The following RELN variants were observed in gnomAD, a reference collection of about 807,000 sequenced individuals.
The protein encoded by RELN is reelin.
Under a neutral mutation model 427.6 loss-of-function variants are expected in RELN, and 108 were observed. The ratio of observed to expected loss-of-function variants is 0.25; its 90% CI spans 0.22 to 0.30. RELN has a LOEUF of 0.30. RELN is among the 10% of genes least tolerant of loss of function. The pLI is 1.00. For missense variants in RELN, 3,715 were observed against 4,302.8 expected (o/e 0.86, Z 3.82); for synonymous variants, 1,524 against 1,513.4 (o/e 1.01, Z -0.16).
chr7:103,854,608 G>C (rs749925882), intron 2 of RELN, among the ~76,000 whole-genome samples: 1 of 152,150 alleles, frequency 6.6e-6, no homozygotes, highest in Non-Finnish European at 1.5e-5. Context: ...GTGACTTTCT[G>C]AGATGAGGGA....
At chr7:103,781,319 T>A (rs1584488219) in intron 3 of RELN, among the ~76,000 whole-genome samples, 1 of 152,134 alleles carries the variant, frequency 6.6e-6, no homozygotes, top group African/African-American at 2.4e-5. Flanking sequence ...TTATTTCAAA[T>A]CTTCTATGGA....
chr7:103,579,266 G>T (rs1253329106), intron 28 of RELN, among the ~76,000 whole-genome samples: 1 of 152,204 alleles, frequency 6.6e-6, no homozygotes, highest in African/African-American at 2.4e-5. Context: ...AGGAAGTAAT[G>T]ATTGAGAGAA....
chr7:103,680,469 G>C (rs1562954132), intron 11 of RELN, among the ~76,000 whole-genome samples: 1 of 151,866 alleles, frequency 6.6e-6, no homozygotes, highest in Non-Finnish European at 1.5e-5. Context: ...CCCCTCATCT[G>C]TGATCAAGCT....
At chr7:103,982,225 G>A (rs1456084672) in intron 1 of RELN, among the ~76,000 whole-genome samples, 5 of 151,832 alleles carry the variant, frequency 3.3e-5, no homozygotes, top group South Asian at 2.1e-4. Context: ...ACTTCATATC[G>A]CTGAATTATA....
chr7:103,539,420 A>G (rs919514995), intron 44 of RELN, 93 bp from the exon 45 acceptor site: 7 of 1,312,936 alleles, frequency 5.3e-6, no homozygotes, highest in African/African-American at 1.5e-5. Flanking sequence ...GTTTGTTTTG[A>G]TCTGTTGGCC....
intron 40 of RELN, among the ~76,000 whole-genome samples, chr7:103,553,011 A>G (rs552373599): frequency 7.3e-4 from 110 of 151,618 alleles, no homozygotes; most frequent in African/African-American, 2.6e-3. Flanking sequence ...AATAAAATAC[A>G]CAAATACATT....
chr7:103,984,686 T>G (rs1303502704), intron 1 of RELN, among the ~76,000 whole-genome samples: 2 of 152,116 alleles, frequency 1.3e-5, no homozygotes, highest in Admixed American at 1.3e-4. Context: ...AAATGCCCAA[T>G]TTTCATAGTC....
intron 64 of RELN, among the ~76,000 whole-genome samples, chr7:103,476,497 A>C (rs1305576211): frequency 3.3e-5 from 5 of 152,112 alleles, no homozygotes; most frequent in Non-Finnish European, 5.9e-5. Flanking sequence ...CAAACAAACA[A>C]ACAAACAAAA....
intron 3 of RELN, among the ~76,000 whole-genome samples, chr7:103,799,030 CTT>C (rs1563020253): frequency 6.6e-6 from 1 of 152,176 alleles, no homozygotes; most frequent in African/African-American, 2.4e-5. Context: ...CCTACCCCCT[CTT>C]TTCTTTTTGC....
intron 15 of RELN, among the ~76,000 whole-genome samples, chr7:103,650,772 C>T (rs1182527228): frequency 6.6e-6 from 1 of 152,030 alleles, no homozygotes; most frequent in Non-Finnish European, 1.5e-5. Context: ...ACTACAGAAG[C>T]ATACTACCAC....
intron 1 of RELN, among the ~76,000 whole-genome samples, chr7:103,980,936 G>C (rs1796981023): frequency 1.3e-5 from 2 of 152,122 alleles, no homozygotes; most frequent in Non-Finnish European, 2.9e-5. Context: ...TGCAGGATGA[G>C]AATACAGGAA....
At chr7:103,531,066 G>T (rs1366580637) in intron 46 of RELN, among the ~76,000 whole-genome samples, 1 of 152,186 alleles carries the variant, frequency 6.6e-6, no homozygotes. Flanking sequence ...TAATAAACCT[G>T]TGTTATGGTT....
intron 2 of RELN, among the ~76,000 whole-genome samples, chr7:103,908,706 C>T (rs1464279116): frequency 2.6e-5 from 4 of 151,996 alleles, no homozygotes; most frequent in African/African-American, 9.7e-5. Flanking sequence ...GGGAAATATC[C>T]CTGAATTATT....
At chr7:103,608,754 C>T (rs1831876461) in intron 22 of RELN, among the ~76,000 whole-genome samples, 2 of 152,200 alleles carry the variant, frequency 1.3e-5, no homozygotes, top group African/African-American at 4.8e-5. Flanking sequence ...ACTAAAAATT[C>T]CAGCTTGGTG....
intron 1 of RELN, among the ~76,000 whole-genome samples, chr7:103,966,963 C>T (rs188317681): frequency 1.3e-5 from 2 of 152,328 alleles, no homozygotes; most frequent in Admixed American, 1.3e-4. Flanking sequence ...CTGTTCCACC[C>T]CTACACCTAA....
At position 103,556,960 on chromosome 7, in the gene RELN, A is replaced by T; in HGVS notation, c.5797+17T>A. The T allele has an allele frequency of 1.3e-6, 2 of 1,594,214 alleles. No individual in the cohort carries two copies. Among genetic ancestry groups the T allele is most frequent in the Non-Finnish European group, 1.7e-6 (2 of 1,161,738 alleles). On this transcript the variant is annotated intron_variant, in intron 38 of 64. Transcript: ENST00000428762. The stretch of plus-strand genomic sequence containing the variant: ...CCACTATCAGTTCTGATCACAGGAG[A>T]ACACATGCATTTTTACCGTTATTAT...
chr7:103,809,479 CA>C (rs1470140060), intron 3 of RELN, among the ~76,000 whole-genome samples: 9 of 152,114 alleles, frequency 5.9e-5, no homozygotes, highest in African/African-American at 2.2e-4. Flanking sequence ...GAGATTTATT[CA>C]AGAGGTTTAG....
In RELN at chr7:103,824,464, A is replaced by G. The variant is rs143218635; in HGVS notation, c.473+9073T>C. Among the ~76,000 whole-genome samples, 304 of 152,120 alleles carry G rather than the reference A, an allele frequency of 2.0e-3. 1 individual carries two copies. Among genetic ancestry groups the G allele is most frequent in the African/African-American group, 7.1e-3 (293 of 41,538 alleles). On this transcript the variant is annotated intron_variant, in intron 3 of 64. Transcript: ENST00000428762. This position sits in a 1 kb window ranked among gnomAD's most constrained non-coding sequence, Gnocchi z 4.4. The stretch of plus-strand genomic sequence containing the variant: ...CCTGCTGTCTTTTAAGAAGCTCCTG[A>G]CAATAGCTCCAGGCCCCATATAGGT...
rs1258509311 is a variant in RELN at position 103,812,174 on chromosome 7, CTT to C, written c.473+21361_473+21362del. Among the ~76,000 whole-genome samples, 7 of 152,220 alleles carry C rather than the reference CTT, an allele frequency of 4.6e-5. No homozygotes were observed. The East Asian group carries it at 1.4e-3, about 29-fold the overall frequency. ...TGACTTTCACTAACCTGCTAGGTGA[CTT>C]TTACTTTCACTCCTTAGGGTGATAT... is the stretch of plus-strand genomic sequence containing the variant. On this transcript the variant is annotated intron_variant, in intron 3 of 64. Coordinates refer to ENST00000428762, the MANE Select transcript of RELN (RefSeq NM_005045.4).
Sources: allele counts gnomAD v4.1 joint callset (sites outside exome capture counted in the v4.1 genomes callset), GRCh38; gene constraint gnomAD v4.1.1; non-coding constraint Gnocchi (gnomAD v3.1); transcripts MANE v1.5; gene names NCBI Gene and HGNC (gene_info 2026-07-23, HGNC 2026-07-21).